The following CACNA1I variants were observed in gnomAD, a reference collection of about 807,000 sequenced individuals.
CACNA1I encodes the protein calcium voltage-gated channel subunit alpha1 I, also known as voltage-dependent T-type calcium channel subunit alpha-1I.
Under a neutral mutation model 201.6 loss-of-function variants are expected in CACNA1I, and 74 were observed. That is an observed-to-expected ratio of 0.37 (90% CI 0.30 to 0.45). The LOEUF is 0.45. CACNA1I is among the 20% of genes least tolerant of loss of function. The pLI is 1.00. For missense variants in CACNA1I, 2,346 were observed against 3,138.1 expected (o/e 0.75, Z 6.03); for synonymous variants, 1,431 against 1,345.2 (o/e 1.06, Z -1.40).
rs1457663495 is a variant in CACNA1I, at chr22:39,687,060, C to T, written c.*655C>T. On this transcript the variant is annotated 3_prime_UTR_variant, in exon 37 of 37. Coordinates refer to ENST00000402142, the MANE Select transcript of CACNA1I (RefSeq NM_021096.4). ...TATTGTGAAGTCTTTCGTAGACACC[C>T]CAGAGCACACACATCCCCTTAGTCC... 6.6e-6 allele frequency: 1 copy of T among 152,190 alleles called. No individual in the cohort carries two copies. The highest frequency in any genetic ancestry group is 1.9e-4 in the East Asian group (1 of 5,192). The allele number at this position is 152,190 out of a possible 1,614,324, so 9.4% of individuals were successfully genotyped here.
At chr22:39,612,571 A>C (rs1933415765) in intron 3 of CACNA1I, among the ~76,000 whole-genome samples, 1 of 152,142 alleles carries the variant, frequency 6.6e-6, no homozygotes, top group Non-Finnish European at 1.5e-5. Flanking sequence ...TTGAGTCCTC[A>C]CGTGAAGGGG....
In CACNA1I at chr22:39,679,349, C is replaced by T. The variant is rs758497448; in HGVS notation, c.5298C>T (p.Thr1766=). 9.5e-5 allele frequency: 146 copies of T among 1,540,958 alleles called. No individual in the cohort carries two copies. Among genetic ancestry groups the T allele is most frequent in the Non-Finnish European group, 1.2e-4 (141 of 1,144,388 alleles). The change falls in exon 32 of 37, where the codon ACC becomes ACT. Residue 1766 remains threonine (T), a synonymous_variant. Coordinates refer to ENST00000402142, the MANE Select transcript of CACNA1I (RefSeq NM_021096.4). ...HGLGPGPRLP[T]GSPGAPGRGP... Reference sequence around the variant, plus strand: ...TGGGCCCTGGCCCGAGGCTGCCTACCGGCTCCCCGGGCGCCCCTGGCCGAG... The same window carrying T: ...TGGGCCCTGGCCCGAGGCTGCCTACTGGCTCCCCGGGCGCCCCTGGCCGAG...
chr22:39,637,149 C>T (rs1256120799), intron 5 of CACNA1I, among the ~76,000 whole-genome samples: 1 of 152,196 alleles, frequency 6.6e-6, no homozygotes, highest in Non-Finnish European at 1.5e-5. Flanking sequence ...TTTATCTTGG[C>T]CACTGCCCTC....
chr22:39,651,661 C>A (rs1001040460), intron 10 of CACNA1I, among the ~76,000 whole-genome samples: 7 of 152,214 alleles, frequency 4.6e-5, no homozygotes, highest in African/African-American at 1.7e-4. Context: ...GCCTGCACAG[C>A]CCTGCTACCC....
Position 39,665,513 on chromosome 22 carries a change from G to A in CACNA1I, c.3867G>A (p.Ala1289=), listed in dbSNP as rs1935160135. 5.0e-6 allele frequency: 8 copies of A among 1,613,576 alleles called. No homozygotes were observed. Among genetic ancestry groups the A allele is most frequent in the South Asian group, 2.2e-5 (2 of 91,088 alleles). ...TLRPLRVISR[A]PGLKLVVETL... ...CTGCCGTCAGTGTCATCAGCCGGGC[G>A]CCGGGCCTGAAGCTGGTGGTGGAGA... The change falls in exon 22 of 37, where the codon GCG becomes GCA. Residue 1289 remains alanine, a synonymous_variant. Coordinates refer to ENST00000402142, the MANE Select transcript of CACNA1I (RefSeq NM_021096.4). The surrounding 1 kb of genome is among the most constrained non-coding windows in gnomAD (Gnocchi z 5.5).
intron 1 of CACNA1I, among the ~76,000 whole-genome samples, chr22:39,581,457 C>T (rs1932544934): frequency 6.6e-6 from 1 of 152,164 alleles, no homozygotes; most frequent in Non-Finnish European, 1.5e-5. Flanking sequence ...GGTGCCGTTC[C>T]TGCTCCCAGC....
intron 24 of CACNA1I, among the ~76,000 whole-genome samples, chr22:39,669,715 G>C (rs1187128487): frequency 6.6e-6 from 1 of 151,906 alleles, no homozygotes; most frequent in Non-Finnish European, 1.5e-5. Context: ...GGATGGGTGG[G>C]TGAGTGGGAG....
chr22:39,605,099 C>G (rs1024706314), intron 3 of CACNA1I, among the ~76,000 whole-genome samples: 5 of 149,462 alleles, frequency 3.3e-5, no homozygotes, highest in African/African-American at 1.2e-4. Context: ...TGCCCACCCA[C>G]CCCCCAAATC....
chr22:39,660,132 C>T (rs1340227182), intron 14 of CACNA1I, among the ~76,000 whole-genome samples: 1 of 152,166 alleles, frequency 6.6e-6, no homozygotes. Context: ...GGGCCCTGCT[C>T]CCTCCGTTCT....
chr22:39,641,213 G>C, intron 6 of CACNA1I, 31 bp downstream of exon 6: 1 of 1,580,486 alleles, frequency 6.3e-7, no homozygotes, highest in African/African-American at 1.3e-5. Flanking sequence ...GGCCAGCCTG[G>C]TCCTAGAGTG....
intron 1 of CACNA1I, among the ~76,000 whole-genome samples, chr22:39,589,790 C>T (rs745570897): frequency 6.6e-5 from 10 of 152,176 alleles, no homozygotes; most frequent in African/African-American, 1.2e-4. Flanking sequence ...GAGGGACACT[C>T]GGTGTAGGTG....
intron 4 of CACNA1I, among the ~76,000 whole-genome samples, chr22:39,623,071 T>C (rs1183326635): frequency 2.6e-5 from 4 of 152,188 alleles, no homozygotes; most frequent in African/African-American, 9.6e-5. Context: ...AGCACTGTGA[T>C]GGGACCGCTG....
intron 1 of CACNA1I, among the ~76,000 whole-genome samples, chr22:39,579,750 G>A (rs1331426733): frequency 1.3e-5 from 2 of 151,810 alleles, no homozygotes; most frequent in African/African-American, 2.4e-5. Context: ...AGATTCAAGC[G>A]ATTCTCCTGC....
At chr22:39,683,862 C>T (rs1211880529) in intron 35 of CACNA1I, among the ~76,000 whole-genome samples, 1 of 152,234 alleles carries the variant, frequency 6.6e-6, no homozygotes, top group South Asian at 2.1e-4. Context: ...CCCACAGTAG[C>T]CCCCAGGCCT....
At chr22:39,660,978 T>C in intron 15 of CACNA1I, 130 bp from the exon 16 acceptor site, 2 of 748,086 alleles carry the variant, frequency 2.7e-6, no homozygotes, top group Non-Finnish European at 4.6e-6. Flanking sequence ...GACTTCCTGG[T>C]AGAGGAAGCC....
At chr22:39,589,636 A>ATACAGCAGGTGG (rs1185086328) in intron 1 of CACNA1I, among the ~76,000 whole-genome samples, 1 of 152,218 alleles carries the variant, frequency 6.6e-6, no homozygotes, top group African/African-American at 2.4e-5. Context: ...CAGGCCACGT[A>ATACAGCAGGTGG]TACAGCAGGT....
rs780574999 is a variant in CACNA1I at position 39,642,187 on chromosome 22, C to T, written c.1057-610C>T. Reference sequence around the variant, plus strand: ...TTCAGAGATGCAGGGTGTGAGGTGACGGCAACAGCTGTGTTTTGGAACCCT... The same window carrying T: ...TTCAGAGATGCAGGGTGTGAGGTGATGGCAACAGCTGTGTTTTGGAACCCT... On this transcript the variant is annotated intron_variant, in intron 6 of 36. Transcript: ENST00000402142. Among the ~76,000 whole-genome samples, 6 of 152,110 alleles carry T rather than the reference C, an allele frequency of 3.9e-5. No homozygotes were observed. In the East Asian group the frequency reaches 5.8e-4, roughly 15 times the overall value.
intron 1 of CACNA1I, among the ~76,000 whole-genome samples, chr22:39,577,806 C>A (rs1243944518): frequency 1.3e-5 from 2 of 152,140 alleles, no homozygotes; most frequent in African/African-American, 4.8e-5. Flanking sequence ...CAGAGGTGAC[C>A]CCAGGGTCGG....
intron 7 of CACNA1I, among the ~76,000 whole-genome samples, chr22:39,645,800 G>C (rs778618913): frequency 6.6e-6 from 1 of 152,238 alleles, no homozygotes; most frequent in Non-Finnish European, 1.5e-5. Context: ...AGCCCCACTC[G>C]TGGAGCCCTC....
Sources: gnomAD v4.1 joint callset for allele counts (sites outside exome capture counted in the v4.1 genomes callset) on GRCh38, gnomAD v4.1.1 for gene constraint, Gnocchi (gnomAD v3.1) non-coding constraint, MANE v1.5 for transcripts, NCBI Gene and HGNC (gene_info 2026-07-23, HGNC 2026-07-21) for gene names.